The following ELMOD3 variants were observed in gnomAD, a reference collection of about 807,000 sequenced individuals.
ELMOD3 encodes the protein ELMO domain containing 3.
A neutral mutation model predicts 47.4 loss-of-function variants in ELMOD3; 36 were observed. The observed-to-expected ratio is 0.76, with a 90% CI of 0.58 to 1.00. The LOEUF is 1.00. ELMOD3 is among the 50% of genes least tolerant of loss of function. ELMOD3 has a pLI of 0.00. For synonymous variants in ELMOD3, 149 were observed against 183.5 expected (o/e 0.81, Z 1.52); for missense variants, 404 against 463.8 (o/e 0.87, Z 1.18).
intron 11 of ELMOD3, among the ~76,000 whole-genome samples, chr2:85,379,057 G>A (rs1685365492): frequency 6.6e-6 from 1 of 152,166 alleles, no homozygotes; most frequent in African/African-American, 2.4e-5. Context: ...GCTTATGTAT[G>A]TAAATAGGTT....
At chr2:85,371,891 T>G in intron 10 of ELMOD3, 1 of 257,540 alleles carries the variant, frequency 3.9e-6, no homozygotes, top group South Asian at 4.3e-5. Flanking sequence ...AATATTAGGG[T>G]GGGGTGCGGT....
At chr2:85,369,549 C>T (rs1241789943) in intron 7 of ELMOD3, among the ~76,000 whole-genome samples, 190 bp from the exon 8 acceptor site, 5 of 152,180 alleles carry the variant, frequency 3.3e-5, no homozygotes, top group African/African-American at 7.2e-5. Context: ...TGAATAGCCT[C>T]GTCCAAAAAG....
chr2:85,371,001 C>G, intron 8 of ELMOD3, 85 bp from the exon 9 acceptor site: 2 of 1,484,960 alleles, frequency 1.3e-6, no homozygotes, highest in Non-Finnish European at 1.8e-6. Context: ...TTTCTGCAAG[C>G]ACTGCCTCTG....
chr2:85,359,908 T>C (rs997765762), intron 4 of ELMOD3, among the ~76,000 whole-genome samples: 1 of 151,124 alleles, frequency 6.6e-6, no homozygotes, highest in African/African-American at 2.4e-5. Flanking sequence ...TGGGCAACCA[T>C]ATGTAGACCC....
rs1159517645 is a variant in ELMOD3, at chr2:85,391,574, T to C, written c.*612T>C. The C allele has an allele frequency of 6.5e-6, 1 of 153,196 alleles. No homozygotes were observed. Among genetic ancestry groups the C allele is most frequent in the Non-Finnish European group, 1.5e-5 (1 of 68,548 alleles). The allele number at this position is 153,196 out of a possible 1,614,324, so 9.5% of individuals were successfully genotyped here. ...TCCCCCTGACCCCCGCTCCATTGTT[T>C]ATGATGGAAAAACGGACATTTGGCT... On this transcript the variant is annotated 3_prime_UTR_variant, in exon 14 of 14. Transcript: ENST00000409013.
chr2:85,368,817 A>T, intron 7 of ELMOD3, 63 bp downstream of exon 7: 1 of 1,534,300 alleles, frequency 6.5e-7, no homozygotes, highest in South Asian at 1.1e-5. Context: ...CCATCCACAC[A>T]TGTGGCAAAT....
At position 85,389,779 on chromosome 2, in the gene ELMOD3, A is replaced by G; in HGVS notation, c.767A>G (p.Asn256Ser). 1 of 1,614,058 alleles carries G rather than the reference A, an allele frequency of 6.2e-7. No individual in the cohort carries two copies. The highest frequency in any genetic ancestry group is 8.5e-7 in the Non-Finnish European group (1 of 1,180,000). ...TTCCCTTTCTGTTTGATGTCCGTGA[A>G]CATCACCCACATTGCCATCCAGGCC... ...QQFPFCLMSV[N>S]ITHIAIQALR... The change falls in exon 12 of 14, where the codon AAC becomes AGC. Residue 256 changes from asparagine (N) to serine (S), a missense_variant. Physicochemically the swap from Asn to Ser is conservative, Grantham distance 46 (BLOSUM62 1). Coordinates refer to ENST00000409013, the MANE Select transcript of ELMOD3 (RefSeq NM_001135022.2).
chr2:85,387,375 C>T, intron 11 of ELMOD3: 1 of 423,682 alleles, frequency 2.4e-6, no homozygotes, highest in Non-Finnish European at 3.3e-6. Context: ...AAATCTGTCT[C>T]ATAAGGCCAG....
intron 11 of ELMOD3, chr2:85,387,187 A>C (rs1260349824): frequency 1.6e-6 from 2 of 1,249,350 alleles, no homozygotes; most frequent in Non-Finnish European, 2.1e-6. Context: ...GTATACATGA[A>C]GGTCAGCATC....
At chr2:85,372,144 T>C (rs1684841835) in intron 10 of ELMOD3, 2 of 151,656 alleles carry the variant, frequency 1.3e-5, no homozygotes, top group South Asian at 4.2e-4. Flanking sequence ...ACTCAAGCCT[T>C]GGTGACAGAG....
intron 11 of ELMOD3, 27 bp downstream of exon 11, chr2:85,377,501 A>G (rs1685242746): frequency 3.8e-6 from 6 of 1,596,648 alleles, no homozygotes; most frequent in Non-Finnish European, 5.1e-6. Flanking sequence ...AAGCCAGAGG[A>G]AAGGAAAGGG....
At chr2:85,356,755 C>T (rs2104462199) in intron 3 of ELMOD3, 1 of 153,192 alleles carries the variant, frequency 6.5e-6, no homozygotes, top group South Asian at 2.0e-4. Context: ...GTGGCGCACG[C>T]CTGTAATTCC....
intron 6 of ELMOD3, among the ~76,000 whole-genome samples, chr2:85,366,872 G>A (rs993457073): frequency 6.6e-6 from 1 of 152,172 alleles, no homozygotes; most frequent in Non-Finnish European, 1.5e-5. Context: ...CTATACCACC[G>A]AGGCTGGAGA....
At chr2:85,380,437 G>C (rs1484973276) in intron 11 of ELMOD3, among the ~76,000 whole-genome samples, 1 of 152,182 alleles carries the variant, frequency 6.6e-6, no homozygotes, top group Non-Finnish European at 1.5e-5. Context: ...GAGTCTGAAA[G>C]TTTTTCCTCT....
At chr2:85,380,216 G>A (rs1215805560) in intron 11 of ELMOD3, among the ~76,000 whole-genome samples, 1 of 152,184 alleles carries the variant, frequency 6.6e-6, no homozygotes, top group East Asian at 1.9e-4. Flanking sequence ...GGAGAACTCA[G>A]GTAGAGAGAA....
chr2:85,383,735 A>T (rs1265666674), intron 11 of ELMOD3, among the ~76,000 whole-genome samples: 3 of 152,190 alleles, frequency 2.0e-5, no homozygotes, highest in Non-Finnish European at 4.4e-5. Context: ...TGCTGGTACC[A>T]AGCATGGATA....
chr2:85,387,804 C>A (rs1686045212), intron 11 of ELMOD3, among the ~76,000 whole-genome samples: 1 of 152,052 alleles, frequency 6.6e-6, no homozygotes, highest in African/African-American at 2.4e-5. Flanking sequence ...TCAAGGGACT[C>A]TACGTATAGT....
intron 11 of ELMOD3, among the ~76,000 whole-genome samples, chr2:85,381,671 C>T (rs899287969): frequency 6.6e-6 from 1 of 152,210 alleles, no homozygotes; most frequent in African/African-American, 2.4e-5. Flanking sequence ...AAAATCAGCT[C>T]TTGCAATCTC....
chr2:85,364,764 A>G lies in ELMOD3; in HGVS notation c.199+1598A>G, dbSNP rs1684232265. On this transcript the variant is annotated intron_variant, in intron 6 of 13. Coordinates refer to ENST00000409013, the MANE Select transcript of ELMOD3 (RefSeq NM_001135022.2). Reference sequence around the variant, plus strand: ...AATGGAATTTTATCTTTATGGTGACAAACCCAGCATTAATACATTAATAAT... The same window carrying G: ...AATGGAATTTTATCTTTATGGTGACGAACCCAGCATTAATACATTAATAAT... Among the ~76,000 whole-genome samples, 6 of 147,390 alleles carry G rather than the reference A, an allele frequency of 4.1e-5. No individual in the cohort carries two copies. In the South Asian group the frequency reaches 1.3e-3, roughly 31 times the overall value.
Sources: gnomAD v4.1 joint callset for allele counts (sites outside exome capture counted in the v4.1 genomes callset) on GRCh38, gnomAD v4.1.1 for gene constraint, MANE v1.5 for transcripts, NCBI Gene and HGNC (gene_info 2026-07-23, HGNC 2026-07-21) for gene names.